The following ZNF132 variants were observed in gnomAD, a reference collection of about 807,000 sequenced individuals.
ZNF132 encodes zinc finger protein 132.
A neutral mutation model predicts 9.3 loss-of-function variants in ZNF132; 6 were observed. The observed-to-expected ratio is 0.65, with a 90% CI of 0.35 to 1.28. The LOEUF is 1.28. ZNF132 is among the 50% of genes most tolerant of loss of function. The pLI, the probability that ZNF132 is intolerant of heterozygous loss-of-function variation, is 0.03. For missense variants in ZNF132, 877 were observed against 843.2 expected (o/e 1.04, Z -0.50); for synonymous variants, 296 against 292.0 (o/e 1.01, Z -0.14).
At chr19:58,438,702 T>C (rs1188345666) in intron 1 of ZNF132, among the ~76,000 whole-genome samples, 2 of 151,838 alleles carry the variant, frequency 1.3e-5, no homozygotes, top group African/African-American at 2.4e-5. Context: ...CTCAATCTCC[T>C]GACCTAGTGA....
rs1340509283 is a variant in ZNF132 at position 58,433,309 on chromosome 19, C to T, written c.*14G>A. ...GAAGATTTTCTCACAAAGACCACTT[C>T]CATAAGGCTCCACTCAGGTATGAAT... On this transcript the variant is annotated 3_prime_UTR_variant, in exon 3 of 3. Coordinates refer to ENST00000254166, the MANE Select transcript of ZNF132 (RefSeq NM_003433.4). 1.5e-5 allele frequency: 24 copies of T among 1,599,096 alleles called. No homozygotes were observed. Among genetic ancestry groups the T allele is most frequent in the Non-Finnish European group, 2.0e-5 (24 of 1,171,238 alleles).
At position 58,434,866 on chromosome 19, in the gene ZNF132, G is replaced by A. The variant is rs747444874; in HGVS notation, c.578C>T (p.Thr193Ile). Residue 193 changes from threonine (T) to isoleucine (I), a missense_variant, in exon 3 of 3, where the codon ACT becomes ATT. Coordinates refer to ENST00000254166, the MANE Select transcript of ZNF132 (RefSeq NM_003433.4). ...SKVHLSENPF[T>I]CREGGKVILG... ...GATGACCTTCCCACCTTCCCTGCAA[G>A]TGAAGGGGTTCTCTGACAGGTGGAC... 1.2e-6 allele frequency: 2 copies of A among 1,614,216 alleles called. No homozygotes were observed. Among genetic ancestry groups the A allele is most frequent in the Non-Finnish European group, 1.7e-6 (2 of 1,180,040 alleles).
intron 1 of ZNF132, among the ~76,000 whole-genome samples, chr19:58,439,176 C>A (rs576692038): frequency 1.3e-5 from 2 of 152,214 alleles, no homozygotes; most frequent in Admixed American, 6.5e-5. Context: ...CCTACCTCCA[C>A]GGGCACCCCT....
At position 58,433,608 on chromosome 19, in the gene ZNF132, G is replaced by A. The variant is rs77411360; in HGVS notation, c.1836C>T (p.Ser612=). The A allele has an allele frequency of 2.1e-4, 346 of 1,613,862 alleles. 4 individuals are homozygous for A. In the African/African-American group the frequency reaches 4.0e-3, roughly 19 times the overall value. ...GAACTCTCCAGTGACAAATAAGGCT[G>A]GATTTTCGGCTAAAGAATTTCCCAC... ...SECGKFFSRK[S]SLICHWRVHT... Residue 612 remains serine, a synonymous_variant, in exon 3 of 3, where the codon TCC becomes TCT. Transcript: ENST00000254166.
Position 58,434,310 on chromosome 19 carries a change from C to T in ZNF132, c.1134G>A (p.Leu378=), listed in dbSNP as rs1439525723. ...VHTGERPFEC[L]KCGRAFSQSS... ...TTTGGCTGAAGGCTCTTCCACATTT[C>T]AGGCACTCAAAAGGCCTTTCTCCAG... Residue 378 remains leucine (L), a synonymous_variant, in exon 3 of 3, where the codon CTG becomes CTA. Coordinates refer to ENST00000254166, the MANE Select transcript of ZNF132 (RefSeq NM_003433.4). The T allele has an allele frequency of 6.2e-7, 1 of 1,613,368 alleles. No homozygotes were observed. The highest frequency in any genetic ancestry group is 1.1e-5 in the South Asian group (1 of 91,032).
At position 58,434,741 on chromosome 19, in the gene ZNF132, G is replaced by C. The variant is rs1038570198; in HGVS notation, c.703C>G (p.Leu235Val). The change falls in exon 3 of 3, where the codon CTC (leucine) becomes GTC (valine). Residue 235 changes from leucine to valine, a missense_variant. Physicochemically the swap from Leu to Val is conservative, Grantham distance 32. Coordinates refer to ENST00000254166, the MANE Select transcript of ZNF132 (RefSeq NM_003433.4). ...TTTCCACAGTTGCTGCACTCGAAGAGTTTCTGTGTGGTACAGACTTCTGGA... is the reference window on the plus strand; with the variant it reads ...TTTCCACAGTTGCTGCACTCGAAGACTTTCTGTGTGGTACAGACTTCTGGA... ...QLPEVCTTQK[L>V]FECSNCGKAF... 1.9e-6 allele frequency: 3 copies of C among 1,614,224 alleles called. No homozygotes were observed. The highest frequency in any genetic ancestry group is 2.5e-6 in the Non-Finnish European group (3 of 1,180,044).
Position 58,437,196 on chromosome 19 carries a change from C to A in ZNF132, c.83G>T (p.Gly28Val). ...GPAQHTSWPC[G>V]SAVPTLKSMV... is the part of the protein sequence containing the mutation. ...GCTCTTCAATGTGGGGACAGCTGAG[C>A]CACAGGGCCAAGAAGTATGCTGACA... Residue 28 changes from glycine (G) to valine (V), a missense_variant, in exon 2 of 3, where the codon GGC becomes GTC. Gly to Val is a moderately radical substitution (Grantham distance 109). Coordinates refer to ENST00000254166, the MANE Select transcript of ZNF132 (RefSeq NM_003433.4). 6.2e-7 allele frequency: 1 copy of A among 1,606,204 alleles called. No homozygotes were observed. The highest frequency in any genetic ancestry group is 8.5e-7 in the Non-Finnish European group (1 of 1,176,502).
chr19:58,433,945 G>T lies in ZNF132; in HGVS notation c.1499C>A (p.Ser500Tyr), dbSNP rs150997705. The T allele has an allele frequency of 6.2e-7, 1 of 1,614,144 alleles. No individual in the cohort carries two copies. The highest frequency in any genetic ancestry group is 1.7e-5 in the Admixed American group (1 of 60,008). The change falls in exon 3 of 3, where the codon TCC (serine) becomes TAC (tyrosine). Residue 500 changes from serine to tyrosine, a missense_variant. Physicochemically the swap from Ser to Tyr is moderately radical, Grantham distance 144. Coordinates refer to ENST00000254166, the MANE Select transcript of ZNF132 (RefSeq NM_003433.4). ...CDCGKAFSNS[S>Y]TLIQHQKVHT... is the part of the protein sequence containing the mutation. ...TACTTTCTGGTGCTGGATGAGGGTG[G>T]AGCTATTACTGAAGGCTTTACCACA...
At position 58,433,543 on chromosome 19, in the gene ZNF132, C is replaced by T. The variant is rs767914582; in HGVS notation, c.1901G>A (p.Arg634Lys). 4 of 1,613,960 alleles carry T rather than the reference C, an allele frequency of 2.5e-6. No homozygotes were observed. The African/African-American group carries it at 4.0e-5, about 16-fold the overall frequency. Residue 634 changes from arginine to lysine, a missense_variant, in exon 3 of 3, where the codon AGA becomes AAA. Transcript: ENST00000254166. ...ERPYECSECGRAFSSNSHLVR... is the reference protein window; with the variant it reads ...ERPYECSECGKAFSSNSHLVR... ...CAGGTGGGAGTTACTGCTAAAGGCTCTCCCACATTCACTGCATTCGTAAGG... is the reference window on the plus strand; with the variant it reads ...CAGGTGGGAGTTACTGCTAAAGGCTTTCCCACATTCACTGCATTCGTAAGG...
chr19:58,437,102 C>T lies in ZNF132; in HGVS notation c.177G>A (p.Gln59=), dbSNP rs778717641. The change falls in exon 2 of 3, where the codon CAG becomes CAA. Residue 59 remains glutamine (Q), a synonymous_variant. Transcript: ENST00000254166. ...QEEWELLDAA[Q]RHLYHSVMLE... ...GCATCACACTGTGGTACAGGTGCCTCTGGGCTGCATCAAGGAGCTCCCACT... is the reference window on the plus strand; with the variant it reads ...GCATCACACTGTGGTACAGGTGCCTTTGGGCTGCATCAAGGAGCTCCCACT... The T allele has an allele frequency of 2.1e-5, 34 of 1,614,028 alleles. No individual in the cohort carries two copies. Among genetic ancestry groups the T allele is most frequent in the Non-Finnish European group, 2.8e-5 (33 of 1,180,040 alleles).
chr19:58,438,708 A>C (rs1370269749), intron 1 of ZNF132, among the ~76,000 whole-genome samples: 1 of 151,116 alleles, frequency 6.6e-6, no homozygotes, highest in Non-Finnish European at 1.5e-5. Context: ...CTCCTGACCT[A>C]GTGATCCACC....
Position 58,440,139 on chromosome 19 carries a change from A to C in ZNF132, c.-318T>G. ...CTGTAGCCCAACCCACCAGCAGCAAAATGAGGACCGCAATGGCGGCGCCGG... is the reference window on the plus strand; with the variant it reads ...CTGTAGCCCAACCCACCAGCAGCAACATGAGGACCGCAATGGCGGCGCCGG... On this transcript the variant is annotated 5_prime_UTR_variant, in exon 1 of 3. The change creates a new upstream start codon in the 5' untranslated region. Coordinates refer to ENST00000254166, the MANE Select transcript of ZNF132 (RefSeq NM_003433.4). 2.5e-6 allele frequency: 1 copy of C among 394,500 alleles called. No homozygotes were observed. The highest frequency in any genetic ancestry group is 3.1e-5 in the South Asian group (1 of 32,542). The allele number at this position is 394,500 out of a possible 1,614,324, so 24.4% of individuals were successfully genotyped here. A position where few individuals can be genotyped will look rare whatever the true frequency, so the allele number is the denominator to read the frequency against.
At position 58,433,555 on chromosome 19, in the gene ZNF132, C is replaced by G. The variant is rs150896251; in HGVS notation, c.1889G>C (p.Ser630Thr). Residue 630 changes from serine (S) to threonine (T), a missense_variant, in exon 3 of 3, where the codon AGT becomes ACT. Transcript: ENST00000254166. ...VHTGERPYEC[S>T]ECGRAFSSNS... ...ACTGCTAAAGGCTCTCCCACATTCACTGCATTCGTAAGGCCTTTCTCCAGT... is the reference window on the plus strand; with the variant it reads ...ACTGCTAAAGGCTCTCCCACATTCAGTGCATTCGTAAGGCCTTTCTCCAGT... The G allele has an allele frequency of 2.5e-6, 4 of 1,614,232 alleles. No individual in the cohort carries two copies. Among genetic ancestry groups the G allele is most frequent in the Middle Eastern group, 1.6e-4 (1 of 6,062 alleles).
Position 58,434,956 on chromosome 19 carries a change from T to G in ZNF132, c.488A>C (p.Glu163Ala), listed in dbSNP as rs1222236648. ...TCTAAAGGGCTTCCCTCCACTGTGCTCCTTCTGGTGCTGGTGAAGGTTTGC... is the reference window on the plus strand; with the variant it reads ...TCTAAAGGGCTTCCCTCCACTGTGCGCCTTCTGGTGCTGGTGAAGGTTTGC... The part of the protein sequence containing the change: ...LNANLHQHQK[E>A]HSGGKPFRWY... Residue 163 changes from glutamate to alanine, a missense_variant, in exon 3 of 3, where the codon GAG (glutamate) becomes GCG (alanine). Glu to Ala is a moderately radical substitution (Grantham distance 107). Transcript: ENST00000254166. 4.3e-6 allele frequency: 7 copies of G among 1,614,062 alleles called. No individual in the cohort carries two copies. Among genetic ancestry groups the G allele is most frequent in the Non-Finnish European group, 5.9e-6 (7 of 1,180,042 alleles).
Position 58,435,022 on chromosome 19 carries a change from G to A in ZNF132, c.422C>T (p.Pro141Leu). ...TCTCCCACATGCTCCACATGTGTAG[G>A]GTTTCTCCTCAGACTGTGTTCCCTG... ...EHQGTQSEEK[P>L]YTCGACGRDF... is the part of the protein sequence containing the mutation. The change falls in exon 3 of 3, where the codon CCC becomes CTC. Residue 141 changes from proline (P) to leucine (L), a missense_variant. By Grantham distance (98) the Pro-to-Leu change is moderately conservative. Coordinates refer to ENST00000254166, the MANE Select transcript of ZNF132 (RefSeq NM_003433.4). 6.2e-7 allele frequency: 1 copy of A among 1,614,088 alleles called. No individual in the cohort carries two copies. The highest frequency in any genetic ancestry group is 8.5e-7 in the Non-Finnish European group (1 of 1,180,024).
chr19:58,437,909 C>G, intron 1 of ZNF132: 1 of 569,434 alleles, frequency 1.8e-6, no homozygotes, highest in Non-Finnish European at 2.2e-6. Context: ...ATATCTTTGC[C>G]TTTGTATGTG....
At position 58,435,655 on chromosome 19, in the gene ZNF132, CAG is replaced by C. The variant is rs200948693; in HGVS notation, c.233-446_233-445del. 4.1e-3 allele frequency: 653 copies of C among 160,428 alleles called. 6 individuals are homozygous for C. Among genetic ancestry groups the C allele is most frequent in the African/African-American group, 0.015 (605 of 41,620 alleles). The allele number at this position is 160,428 out of a possible 1,614,324, so 9.9% of individuals were successfully genotyped here. ...AACTGGAGCACTTATACACTGCAGA[CAG>C]GGATGTAAAATGGTGCAGCCAATTT... On this transcript the variant is annotated intron_variant, in intron 2 of 2. Coordinates refer to ENST00000254166, the MANE Select transcript of ZNF132 (RefSeq NM_003433.4).
chr19:58,438,834 G>C (rs773838778), intron 1 of ZNF132, among the ~76,000 whole-genome samples: 2 of 151,214 alleles, frequency 1.3e-5, no homozygotes, highest in African/African-American at 4.9e-5. Context: ...GCAGTGGCAC[G>C]ATCTCAGCTC....
Position 58,434,847 on chromosome 19 carries a change from C to A in ZNF132, c.597G>T (p.Lys199Asn), listed in dbSNP as rs567174821. 3.7e-6 allele frequency: 6 copies of A among 1,614,158 alleles called. No individual in the cohort carries two copies. In the South Asian group the frequency reaches 6.6e-5, roughly 18 times the overall value. Residue 199 changes from lysine to asparagine, a missense_variant, in exon 3 of 3, where the codon AAG becomes AAT. Transcript: ENST00000254166. ...GGAGGTCACAGCTGCCCAGGATGAC[C>A]TTCCCACCTTCCCTGCAAGTGAAGG... ...ENPFTCREGG[K>N]VILGSCDLLQ...
Sources: gnomAD v4.1 joint callset for allele counts (sites outside exome capture counted in the v4.1 genomes callset) on GRCh38, gnomAD v4.1.1 for gene constraint, MANE v1.5 for transcripts, NCBI Gene and HGNC (gene_info 2026-07-23, HGNC 2026-07-21) for gene names.